The following TMEM135 variants were observed in gnomAD, a reference collection of about 807,000 sequenced individuals.
TMEM135 encodes peroxisomal membrane protein 52.
Under a neutral mutation model 60.3 loss-of-function variants are expected in TMEM135, and 30 were observed. The observed-to-expected ratio is 0.50, with a 90% CI of 0.37 to 0.68. The LOEUF (loss-of-function observed/expected upper bound fraction) is 0.68. TMEM135 is among the 30% of genes least tolerant of loss of function. TMEM135 has a pLI of 0.00. For synonymous variants in TMEM135, 190 were observed against 186.7 expected (o/e 1.02, Z -0.14); for missense variants, 468 against 548.8 (o/e 0.85, Z 1.47).
chr11:87,248,460 G>A (rs1220284302), intron 6 of TMEM135, among the ~76,000 whole-genome samples: 1 of 152,130 alleles, frequency 6.6e-6, no homozygotes, highest in African/African-American at 2.4e-5. Context: ...CAGTGATGTT[G>A]AGCACCTTCT....
chr11:87,105,899 T>C (rs1171693922), intron 4 of TMEM135, among the ~76,000 whole-genome samples: 1 of 152,184 alleles, frequency 6.6e-6, no homozygotes, highest in Admixed American at 6.5e-5. Context: ...ACTTTATGTT[T>C]GTACTCATTC....
At chr11:87,130,953 G>T (rs116823191) in intron 4 of TMEM135, among the ~76,000 whole-genome samples, 1 of 149,324 alleles carries the variant, frequency 6.7e-6, no homozygotes. Context: ...TTTTAACCTT[G>T]GGATGTGACC....
At chr11:87,274,329 C>T (rs1005955187) in intron 6 of TMEM135, among the ~76,000 whole-genome samples, 5 of 152,170 alleles carry the variant, frequency 3.3e-5, no homozygotes, top group East Asian at 3.8e-4. Flanking sequence ...GAAATCCAGA[C>T]GTATTTGAAA....
At chr11:87,156,442 A>G (rs1410524043) in intron 4 of TMEM135, among the ~76,000 whole-genome samples, 1 of 152,154 alleles carries the variant, frequency 6.6e-6, no homozygotes, top group African/African-American at 2.4e-5. Flanking sequence ...TCTGTCGATC[A>G]CTTTGGGTTG....
Position 87,319,395 on chromosome 11 carries a change from T to C in TMEM135, c.1244+18T>C, listed in dbSNP as rs1305616998. ...AAGGGCAAGTAAGTGACTACGTAGT[T>C]TTCTTAAAAATATTATGAGTGGTTT... On this transcript the variant is annotated intron_variant, in intron 14 of 14. Coordinates refer to ENST00000305494, the MANE Select transcript of TMEM135 (RefSeq NM_022918.4). The C allele has an allele frequency of 2.5e-6, 4 of 1,582,094 alleles. No homozygotes were observed. The highest frequency in any genetic ancestry group is 3.5e-6 in the Non-Finnish European group (4 of 1,151,432).
chr11:87,089,222 T>G (rs1348156484), intron 3 of TMEM135, among the ~76,000 whole-genome samples: 1 of 152,194 alleles, frequency 6.6e-6, no homozygotes, highest in African/African-American at 2.4e-5. Flanking sequence ...ATACTCAGCT[T>G]TAGCTCATTT....
At chr11:87,075,517 T>C (rs1856853793) in intron 3 of TMEM135, among the ~76,000 whole-genome samples, 1 of 152,218 alleles carries the variant, frequency 6.6e-6, no homozygotes, top group African/African-American at 2.4e-5. Context: ...GGGCCGGTCC[T>C]GAGCTCAAGT....
chr11:87,127,059 G>T (rs1298348160), intron 4 of TMEM135, among the ~76,000 whole-genome samples: 1 of 152,096 alleles, frequency 6.6e-6, no homozygotes, highest in Non-Finnish European at 1.5e-5. Context: ...AAACAACATT[G>T]ATTTGAACAG....
intron 5 of TMEM135, among the ~76,000 whole-genome samples, chr11:87,218,943 C>T (rs1940561304): frequency 6.6e-6 from 1 of 152,156 alleles, no homozygotes; most frequent in Non-Finnish European, 1.5e-5. Flanking sequence ...GCCTGGGTGA[C>T]AGAGTGAGAC....
At chr11:87,178,676 T>C (rs1939442759) in intron 5 of TMEM135, 7 of 359,226 alleles carry the variant, frequency 1.9e-5, no homozygotes, top group South Asian at 1.2e-4. Flanking sequence ...TCTGCCTGTC[T>C]CGGCCTCCCA....
chr11:87,311,749 A>G (rs918679265), intron 10 of TMEM135, among the ~76,000 whole-genome samples: 3 of 152,030 alleles, frequency 2.0e-5, no homozygotes, highest in Non-Finnish European at 4.4e-5. Context: ...ATGCTATAGT[A>G]TCTTTATAAG....
chr11:87,316,598 A>G (rs967862982), intron 12 of TMEM135, among the ~76,000 whole-genome samples: 17 of 152,062 alleles, frequency 1.1e-4, no homozygotes, highest in African/African-American at 4.1e-4. Flanking sequence ...AGAGATGGAG[A>G]GAACTATACA....
chr11:87,098,958 GA>G (rs1273633629), intron 4 of TMEM135, among the ~76,000 whole-genome samples: 1 of 152,134 alleles, frequency 6.6e-6, no homozygotes, highest in Non-Finnish European at 1.5e-5. Flanking sequence ...AAAGTGCTTG[GA>G]TTACAGGTGT....
At chr11:87,170,266 ACCTTCTGAAG>A (rs1226664339) in intron 5 of TMEM135, among the ~76,000 whole-genome samples, 3 of 152,036 alleles carry the variant, frequency 2.0e-5, no homozygotes, top group African/African-American at 7.2e-5. Context: ...GTTATTACCC[ACCTTCTGAAG>A]CCTATTTCTG....
Position 87,219,244 on chromosome 11 carries a change from G to A in TMEM135, c.463-17394G>A, listed in dbSNP as rs151248072. 1.9e-3 allele frequency among the ~76,000 whole-genome samples: 296 copies of A among 152,216 alleles called. 1 individual carries two copies. Among genetic ancestry groups the A allele is most frequent in the African/African-American group, 6.7e-3 (279 of 41,528 alleles). On this transcript the variant is annotated intron_variant, in intron 5 of 14. Coordinates refer to ENST00000305494, the MANE Select transcript of TMEM135 (RefSeq NM_022918.4). The stretch of plus-strand genomic sequence containing the variant: ...AGAAATCACCTAAATTTTGGAGGTC[G>A]TATTATTAATCTACCAAGGCTACCG...
rs532461880 is a variant in TMEM135 at position 87,314,623 on chromosome 11, G to A, written c.1077+76G>A. On this transcript the variant is annotated intron_variant, in intron 12 of 14. Coordinates refer to ENST00000305494, the MANE Select transcript of TMEM135 (RefSeq NM_022918.4). The stretch of plus-strand genomic sequence containing the variant: ...GCTGCTGACTGTTTTAGCAGCAAAT[G>A]TATATCCCAATGGCAAACATAAATT... 2.9e-4 allele frequency: 334 copies of A among 1,166,270 alleles called. No individual in the cohort carries two copies. The African/African-American group carries it at 4.8e-3, about 17-fold the overall frequency. The allele number at this position is 1,166,270 out of a possible 1,614,324, so 72.2% of individuals were successfully genotyped here.
At chr11:87,148,764 G>C (rs1591056415) in intron 4 of TMEM135, among the ~76,000 whole-genome samples, 1 of 152,106 alleles carries the variant, frequency 6.6e-6, no homozygotes, top group South Asian at 2.1e-4. Flanking sequence ...AACATAATGG[G>C]TGAGAAATTT....
chr11:87,072,176 AGAGT>A (rs769554708), intron 3 of TMEM135, among the ~76,000 whole-genome samples: 7 of 152,230 alleles, frequency 4.6e-5, no homozygotes, highest in Non-Finnish European at 1.0e-4. Flanking sequence ...TCTGGGCAAC[AGAGT>A]GAGACTCCTG....
chr11:87,170,990 G>T (rs1021175272), intron 5 of TMEM135, among the ~76,000 whole-genome samples: 9 of 152,132 alleles, frequency 5.9e-5, no homozygotes, highest in African/African-American at 2.2e-4. Flanking sequence ...GCCCTGGCCA[G>T]AGAGCAAAGG....
Sources: allele counts gnomAD v4.1 joint callset (sites outside exome capture counted in the v4.1 genomes callset), GRCh38; gene constraint gnomAD v4.1.1; transcripts MANE v1.5; gene names NCBI Gene and HGNC (gene_info 2026-07-23, HGNC 2026-07-21).